Variants in ELAPOR2 observed in about 807,000 individuals in gnomAD.
The protein encoded by ELAPOR2 is endosome-lysosome associated apoptosis and autophagy regulator family member 2, also known as endosome/lysosome-associated apoptosis and autophagy regulator family member 2.
Under a neutral mutation model 120.7 loss-of-function variants are expected in ELAPOR2, and 89 were observed. The ratio of observed to expected loss-of-function variants is 0.74; its 90% CI spans 0.62 to 0.88. ELAPOR2 has a LOEUF of 0.88. Among genes scored for constraint, ELAPOR2 ranks in the 40% least tolerant of loss-of-function variants. The probability of loss-of-function intolerance (pLI) is 0.00; values close to 1 mark genes in which losing one functional copy is unlikely to be tolerated. For synonymous variants in ELAPOR2, 444 were observed against 444.9 expected (o/e 1.00, Z 0.03); for missense variants, 1,134 against 1,251.6 (o/e 0.91, Z 1.42).
intron 1 of ELAPOR2, among the ~76,000 whole-genome samples, chr7:87,035,599 C>T (rs1170489658): frequency 6.6e-6 from 1 of 152,118 alleles, no homozygotes; most frequent in Non-Finnish European, 1.5e-5. Flanking sequence ...CCAATGTCAC[C>T]CTTTGTCAAT....
At chr7:86,920,152 A>T (rs561132310) in intron 10 of ELAPOR2, among the ~76,000 whole-genome samples, 33 of 152,294 alleles carry the variant, frequency 2.2e-4, no homozygotes, top group African/African-American at 6.7e-4. Flanking sequence ...GCGATTTTTG[A>T]AATGTTATAA....
At chr7:86,987,182 T>C (rs570544775) in intron 1 of ELAPOR2, among the ~76,000 whole-genome samples, 7 of 152,150 alleles carry the variant, frequency 4.6e-5, no homozygotes, top group Non-Finnish European at 1.0e-4. Context: ...TTACACCTTA[T>C]ACAAAAATTA....
Position 86,938,849 on chromosome 7 carries a change from G to T in ELAPOR2, c.959C>A (p.Ala320Asp). The part of the protein sequence containing the change: ...CPRNTYSEKG[A>D]KECIRCKDDS... ...GTCTTTACACCTTATACATTCTTTG[G>T]CTCCTTTCTCAGAATAGGTGTTTCT... is the stretch of plus-strand genomic sequence containing the variant. The change falls in exon 7 of 22, where the codon GCC becomes GAC. Residue 320 changes from alanine (A) to aspartate (D), a missense_variant. Physicochemically the swap from Ala to Asp is moderately radical, Grantham distance 126. Transcript: ENST00000450689. 6.2e-7 allele frequency: 1 copy of T among 1,613,226 alleles called. No individual in the cohort carries two copies. Among genetic ancestry groups the T allele is most frequent in the Non-Finnish European group, 8.5e-7 (1 of 1,179,438 alleles).
rs780177017 is a variant in ELAPOR2, at chr7:86,912,237, C to T, written c.2004G>A (p.Ser668=). The T allele has an allele frequency of 1.3e-5, 20 of 1,580,114 alleles. No homozygotes were observed. Among genetic ancestry groups the T allele is most frequent in the Admixed American group, 3.4e-5 (2 of 59,340 alleles). The change falls in exon 15 of 22, where the codon TCG becomes TCA. Residue 668 remains serine, a synonymous_variant. Coordinates refer to ENST00000450689, the MANE Select transcript of ELAPOR2 (RefSeq NM_001142749.3). ...AGAAAAAGCAGTCACTATAGCAAAC[C>T]GAATGGTCCTTTGATTAAAGATAAA... is the stretch of plus-strand genomic sequence containing the variant. The part of the protein sequence containing the change: ...GPGSKNNQDH[S]VCYSDCFFYH...
intron 1 of ELAPOR2, among the ~76,000 whole-genome samples, chr7:86,995,202 A>G (rs749798712): frequency 1.3e-5 from 2 of 152,110 alleles, no homozygotes; most frequent in Non-Finnish European, 2.9e-5. Flanking sequence ...CCTCACTTCT[A>G]ATTGGCCAAG....
chr7:87,035,414 C>T (rs1264869132), intron 1 of ELAPOR2, among the ~76,000 whole-genome samples: 3 of 152,204 alleles, frequency 2.0e-5, no homozygotes, highest in Non-Finnish European at 4.4e-5. Flanking sequence ...TAATCCAAAT[C>T]TTGTCCTCTA....
chr7:86,926,706 G>A, intron 9 of ELAPOR2, 30 bp downstream of exon 9: 1 of 1,555,560 alleles, frequency 6.4e-7, no homozygotes, highest in Non-Finnish European at 8.7e-7. Flanking sequence ...TTTGCTAAAG[G>A]CCCAGTTATT....
intron 18 of ELAPOR2, among the ~76,000 whole-genome samples, chr7:86,898,363 C>A (rs768181036): frequency 1.6e-4 from 25 of 151,956 alleles, no homozygotes; most frequent in Non-Finnish European, 3.5e-4. Context: ...GCATAGGGGA[C>A]TGAGAGCTAA....
chr7:86,880,304 T>C lies in ELAPOR2; in HGVS notation c.*167A>G, dbSNP rs1043936222. On this transcript the variant is annotated 3_prime_UTR_variant, in exon 22 of 22. Coordinates refer to ENST00000450689, the MANE Select transcript of ELAPOR2 (RefSeq NM_001142749.3). ...CTTTATTTGGCAAGGTACTTGACCA[T>C]GTGATAAGGCAATCAAATGTTTCAA... 9.2e-6 allele frequency: 6 copies of C among 650,756 alleles called. No individual in the cohort carries two copies. Among genetic ancestry groups the C allele is most frequent in the Non-Finnish European group, 1.6e-5 (6 of 366,004 alleles). The allele number at this position is 650,756 out of a possible 1,614,324, so 40.3% of individuals were successfully genotyped here.
intron 19 of ELAPOR2, among the ~76,000 whole-genome samples, chr7:86,896,823 C>G (rs1000227039): frequency 6.6e-6 from 1 of 151,974 alleles, no homozygotes; most frequent in South Asian, 2.1e-4. Flanking sequence ...ATGTATCAAG[C>G]CTTAAAAATA....
chr7:86,881,034 T>C (rs1799374581), intron 21 of ELAPOR2, among the ~76,000 whole-genome samples: 1 of 152,222 alleles, frequency 6.6e-6, no homozygotes, highest in South Asian at 2.1e-4. Context: ...TTTAGGTATA[T>C]GCCTATTAAA....
intron 1 of ELAPOR2, among the ~76,000 whole-genome samples, chr7:86,986,021 C>A (rs149789625): frequency 0.06 from 9,192 of 152,010 alleles, 546 homozygotes; most frequent in African/African-American, 0.15. Context: ...TGCCTTCTCT[C>A]ACCACTCCTA....
chr7:86,888,007 C>A (rs1799772658), intron 21 of ELAPOR2, among the ~76,000 whole-genome samples: 1 of 152,108 alleles, frequency 6.6e-6, no homozygotes, highest in East Asian at 1.9e-4. Flanking sequence ...TAACCTCAGG[C>A]TTCCTGGGTA....
intron 1 of ELAPOR2, among the ~76,000 whole-genome samples, chr7:86,972,158 T>C (rs1009441898): frequency 1.3e-5 from 2 of 152,212 alleles, no homozygotes; most frequent in African/African-American, 2.4e-5. Flanking sequence ...TGGAAACAAA[T>C]ACCTGACAGA....
chr7:86,993,496 G>A (rs1037405181), intron 1 of ELAPOR2, among the ~76,000 whole-genome samples: 2 of 152,148 alleles, frequency 1.3e-5, no homozygotes, highest in Non-Finnish European at 2.9e-5. Flanking sequence ...CCAAAAGGAG[G>A]AAGAGAATTA....
intron 2 of ELAPOR2, among the ~76,000 whole-genome samples, chr7:86,957,752 G>A (rs1470042671): frequency 6.6e-6 from 1 of 152,130 alleles, no homozygotes; most frequent in African/African-American, 2.4e-5. Context: ...AGCTACTCAG[G>A]AAGTGGAGGC....
chr7:86,940,211 A>C (rs1257185778), intron 5 of ELAPOR2, 96 bp from the exon 6 acceptor site: 1 of 604,054 alleles, frequency 1.7e-6, no homozygotes, highest in Non-Finnish European at 2.8e-6. Flanking sequence ...ATAATAAAAC[A>C]CCATTAATTT....
At chr7:86,887,263 G>A (rs1214666123) in intron 21 of ELAPOR2, among the ~76,000 whole-genome samples, 1 of 152,012 alleles carries the variant, frequency 6.6e-6, no homozygotes, top group African/African-American at 2.4e-5. Flanking sequence ...TGTCACAAAT[G>A]GTGCATGGGT....
chr7:86,961,955 T>A (rs1258310377), intron 2 of ELAPOR2, among the ~76,000 whole-genome samples: 1 of 151,614 alleles, frequency 6.6e-6, no homozygotes, highest in Admixed American at 6.6e-5. Flanking sequence ...AACTGATGAG[T>A]TCTCCACAGC....
Sources: gnomAD v4.1 joint callset for allele counts (sites outside exome capture counted in the v4.1 genomes callset) on GRCh38, gnomAD v4.1.1 for gene constraint, MANE v1.5 for transcripts, NCBI Gene and HGNC (gene_info 2026-07-23, HGNC 2026-07-21) for gene names.